Variants in CNTLN observed in about 807,000 individuals in gnomAD.
The protein encoded by CNTLN is centlein, centrosomal protein.
In CNTLN, 212 loss-of-function variants were observed where a neutral mutation model predicts 180.0. The ratio of observed to expected loss-of-function variants is 1.18; its 90% CI spans 1.05 to 1.32. The LOEUF (loss-of-function observed/expected upper bound fraction) is 1.32. Ranked by LOEUF, CNTLN falls within the 40% of genes most tolerant of loss-of-function variation. CNTLN has a pLI of 0.00. For missense variants in CNTLN, 2,095 were observed against 1,610.9 expected (o/e 1.30, Z -5.14); for synonymous variants, 722 against 563.1 (o/e 1.28, Z -3.99).
chr9:17,515,987 C>T, the CNTLN span, among the ~76,000 whole-genome samples: 23 of 152,310 alleles, frequency 1.5e-4, no homozygotes, highest in Non-Finnish European at 3.1e-4. Context: ...TTCTTCCTCT[C>T]CTTATACTCA....
At chr9:17,279,162 C>T (rs1193657495) in intron 6 of CNTLN, among the ~76,000 whole-genome samples, 5 of 151,958 alleles carry the variant, frequency 3.3e-5, no homozygotes, top group Non-Finnish European at 7.4e-5. Context: ...TGGAAATAAG[C>T]ACATAAATTC....
intron 12 of CNTLN, among the ~76,000 whole-genome samples, chr9:17,352,255 G>C (rs1026056169): frequency 6.6e-6 from 1 of 151,600 alleles, no homozygotes; most frequent in South Asian, 2.1e-4. Flanking sequence ...ATATATGTTG[G>C]CCATAGTTTT....
intron 12 of CNTLN, among the ~76,000 whole-genome samples, chr9:17,346,575 C>G (rs146168892): frequency 9.8e-5 from 15 of 152,306 alleles, no homozygotes; most frequent in African/African-American, 3.1e-4. Context: ...TCTATTGTTT[C>G]TGATGCAACA....
intron 6 of CNTLN, among the ~76,000 whole-genome samples, chr9:17,278,398 T>A (rs1036738626): frequency 2.0e-5 from 3 of 152,170 alleles, no homozygotes; most frequent in African/African-American, 4.8e-5. Context: ...TTTACAATAA[T>A]CTAAGAAGAA....
At chr9:17,472,644 C>T (rs1173627220) in intron 23 of CNTLN, among the ~76,000 whole-genome samples, 5 of 152,082 alleles carry the variant, frequency 3.3e-5, no homozygotes, top group African/African-American at 1.2e-4. Flanking sequence ...ATGCTACTAG[C>T]ATTCAATACC....
At chr9:17,210,227 C>T (rs561356189) in intron 2 of CNTLN, among the ~76,000 whole-genome samples, 155 of 152,268 alleles carry the variant, frequency 1.0e-3, no homozygotes, top group African/African-American at 3.4e-3. Flanking sequence ...CCCTACCCCA[C>T]GACAGGCCCC....
In CNTLN at chr9:17,135,122, C is replaced by T. The variant is rs941576656; in HGVS notation, c.57C>T (p.Gly19=). The T allele has an allele frequency of 5.0e-6, 8 of 1,606,176 alleles. No individual in the cohort carries two copies. The highest frequency in any genetic ancestry group is 1.3e-5 in the African/African-American group (1 of 74,878). The change falls in exon 1 of 26, where the codon GGC becomes GGT. Residue 19 remains glycine, a synonymous_variant. Transcript: ENST00000380647. ...PHPSPPARQL[G]PRSPRVGRGA... ...CTTCGCCCCCAGCGCGACAGCTGGG[C>T]CCCAGGTCCCCACGTGTTGGGCGGG...
chr9:17,256,415 C>G (rs576951990), intron 5 of CNTLN, among the ~76,000 whole-genome samples: 1 of 152,106 alleles, frequency 6.6e-6, no homozygotes, highest in South Asian at 2.1e-4. Context: ...CACAGCTTCT[C>G]CAACATCTGT....
intron 5 of CNTLN, among the ~76,000 whole-genome samples, chr9:17,262,237 A>T (rs1827046584): frequency 6.6e-6 from 1 of 151,562 alleles, no homozygotes; most frequent in South Asian, 2.1e-4. Flanking sequence ...ATATACTCAA[A>T]GGGTTATAAA....
chr9:17,236,604 G>C lies in CNTLN; in HGVS notation c.849+16G>C. 1 of 1,579,128 alleles carries C rather than the reference G, an allele frequency of 6.3e-7. No individual in the cohort carries two copies. Among genetic ancestry groups the C allele is most frequent in the Non-Finnish European group, 8.6e-7 (1 of 1,164,576 alleles). On this transcript the variant is annotated intron_variant, in intron 5 of 25. Transcript: ENST00000380647. ...AAAAATAAAGGTATACAATAGGAATGGAATCCATACTCCTCTTTTGGATCT... is the reference window on the plus strand; with the variant it reads ...AAAAATAAAGGTATACAATAGGAATCGAATCCATACTCCTCTTTTGGATCT...
At chr9:17,482,463 G>T (rs1237206190) in intron 23 of CNTLN, among the ~76,000 whole-genome samples, 3 of 152,068 alleles carry the variant, frequency 2.0e-5, no homozygotes, top group Admixed American at 2.0e-4. Context: ...TAAACAAATG[G>T]AAAGGAATAC....
chr9:17,347,472 C>T (rs1227310958), intron 12 of CNTLN, among the ~76,000 whole-genome samples: 1 of 151,964 alleles, frequency 6.6e-6, no homozygotes, highest in African/African-American at 2.4e-5. Context: ...GGTTCGAGAC[C>T]AGCCTGGACA....
chr9:17,436,964 AG>A (rs1159660340), intron 18 of CNTLN, among the ~76,000 whole-genome samples: 4 of 152,214 alleles, frequency 2.6e-5, no homozygotes, highest in Non-Finnish European at 5.9e-5. Context: ...CAGATTCTCT[AG>A]GGCCGTGGCT....
intron 10 of CNTLN, among the ~76,000 whole-genome samples, chr9:17,339,327 T>C (rs957795094): frequency 6.6e-6 from 1 of 152,220 alleles, no homozygotes; most frequent in Non-Finnish European, 1.5e-5. Context: ...AAACAGTTAC[T>C]TGGTTTCTAA....
At chr9:17,287,157 T>G (rs1472676569) in intron 6 of CNTLN, among the ~76,000 whole-genome samples, 2 of 145,924 alleles carry the variant, frequency 1.4e-5, no homozygotes, top group Admixed American at 6.9e-5. Context: ...CATAGATAGC[T>G]CTTATTATTT....
chr9:17,272,035 CTTTT>C (rs1827984072), intron 5 of CNTLN, among the ~76,000 whole-genome samples: 2 of 145,520 alleles, frequency 1.4e-5, no homozygotes, highest in African/African-American at 2.5e-5. Flanking sequence ...CCCTTCCTTC[CTTTT>C]TTCCTTCCTT....
At chr9:17,217,413 C>G (rs1034723279) in intron 2 of CNTLN, among the ~76,000 whole-genome samples, 14 of 152,198 alleles carry the variant, frequency 9.2e-5, no homozygotes, top group Admixed American at 5.9e-4. Flanking sequence ...AAAATATTGA[C>G]ATGATAATTG....
At chr9:17,172,199 G>A (rs1820464479) in intron 2 of CNTLN, among the ~76,000 whole-genome samples, 1 of 151,514 alleles carries the variant, frequency 6.6e-6, no homozygotes, top group African/African-American at 2.4e-5. Context: ...GGTTGCTGGA[G>A]TTTGTACCTA....
intron 18 of CNTLN, among the ~76,000 whole-genome samples, chr9:17,425,027 T>G (rs1249420939): frequency 6.6e-6 from 1 of 152,220 alleles, no homozygotes; most frequent in East Asian, 1.9e-4. Flanking sequence ...TTAGTGTATC[T>G]TCTAAAAAGC....
Sources: allele counts gnomAD v4.1 joint callset (sites outside exome capture counted in the v4.1 genomes callset), GRCh38; gene constraint gnomAD v4.1.1; transcripts MANE v1.5; gene names NCBI Gene and HGNC (gene_info 2026-07-23, HGNC 2026-07-21).